Variants in MSL1 observed in about 807,000 individuals in gnomAD.
MSL1 encodes male-specific lethal 1 homolog.
In MSL1, 21 loss-of-function variants were observed where a neutral mutation model predicts 64.6. That is an observed-to-expected ratio of 0.33 (90% CI 0.23 to 0.47). The LOEUF (loss-of-function observed/expected upper bound fraction) is 0.47, where lower values mean the gene tolerates loss of function less well. Among genes scored for constraint, MSL1 ranks in the 20% least tolerant of loss-of-function variants. MSL1 has a pLI of 1.00. For synonymous variants in MSL1, 339 were observed against 329.6 expected (o/e 1.03, Z -0.31); for missense variants, 664 against 793.2 (o/e 0.84, Z 1.96).
chr17:40,131,407 C>T lies in MSL1; in HGVS notation c.1376-130C>T, dbSNP rs1348253843. 6.8e-6 allele frequency: 5 copies of T among 734,714 alleles called. No individual in the cohort carries two copies. The African/African-American group carries it at 7.0e-5, about 10-fold the overall frequency. 45.5% of individuals were successfully genotyped at this position (734,714 alleles called of 1,614,324 possible). A position where few individuals can be genotyped will look rare whatever the true frequency, so the allele number is the denominator to read the frequency against. ...TCTTCCCCTCCCCCAGAGAGAAATT[C>T]TCAAAAGAACAACTCAAAAAACAAA... On this transcript the variant is annotated intron_variant, in intron 3 of 8. Transcript: ENST00000398532. This position sits in a 1 kb window ranked among gnomAD's most constrained non-coding sequence, Gnocchi z 4.5.
At chr17:40,125,741 A>G (rs933764412) in intron 1 of MSL1, among the ~76,000 whole-genome samples, 1 of 152,182 alleles carries the variant, frequency 6.6e-6, no homozygotes, top group Non-Finnish European at 1.5e-5. Flanking sequence ...GCAGTGAGCC[A>G]TTGCAATCCA....
chr17:40,122,790 G>C lies in MSL1; in HGVS notation c.178G>C (p.Ala60Pro). The stretch of plus-strand genomic sequence containing the variant: ...GCTCAAGGAGCCGGGGCCCCCGCTG[G>C]CCTCCTCCCAGGGCGGGAGCCCCGC... ...RKLKEPGPPL[A>P]SSQGGSPAPS... Residue 60 changes from alanine (A) to proline (P), a missense_variant, in exon 1 of 9, where the codon GCC becomes CCC. Transcript: ENST00000398532. The surrounding 1 kb of genome is among the most constrained non-coding windows in gnomAD (Gnocchi z 4.2). 2 of 1,375,482 alleles carry C rather than the reference G, an allele frequency of 1.5e-6. No homozygotes were observed. The highest frequency in any genetic ancestry group is 1.9e-6 in the Non-Finnish European group (2 of 1,073,614). The allele number at this position is 1,375,482 out of a possible 1,614,324, so 85.2% of individuals were successfully genotyped here.
chr17:40,126,072 T>A (rs1988306486), intron 1 of MSL1, 111 bp from the exon 2 acceptor site: 1 of 871,138 alleles, frequency 1.1e-6, no homozygotes. Context: ...GTTGAGTTGA[T>A]GTGGTCCATA....
In MSL1 at chr17:40,122,660, C is replaced by T; in HGVS notation, c.48C>T (p.Gly16=). 1 of 1,492,962 alleles carries T rather than the reference C, an allele frequency of 6.7e-7. No individual in the cohort carries two copies. Among genetic ancestry groups the T allele is most frequent in the Non-Finnish European group, 8.9e-7 (1 of 1,128,398 alleles). 92.5% of individuals were successfully genotyped at this position (1,492,962 alleles called of 1,614,324 possible). A position where few individuals can be genotyped will look rare whatever the true frequency, so the allele number is the denominator to read the frequency against. Residue 16 remains glycine, a synonymous_variant, in exon 1 of 9, where the codon GGC becomes GGT. Coordinates refer to ENST00000398532, the MANE Select transcript of MSL1 (RefSeq NM_001365919.1). The surrounding 1 kb of genome is among the most constrained non-coding windows in gnomAD (Gnocchi z 4.2). ...TCAAGGCGGCCGCGGCCCCTGCCGG[C>T]GGCAATCCTGAGCAGCGACTGGACT... ...AVFKAAAAPA[G]GNPEQRLDYE...
In MSL1 at chr17:40,132,022, CTTTT is replaced by C; in HGVS notation, c.1424-7_1424-4del. 1.3e-6 allele frequency: 2 copies of C among 1,572,274 alleles called. No individual in the cohort carries two copies. The highest frequency in any genetic ancestry group is 1.7e-6 in the Non-Finnish European group (2 of 1,156,150). The stretch of plus-strand genomic sequence containing the variant: ...CCCTCCTCCCTTTCTTTTTCTCTCT[CTTTT>C]TTTTCAGTTCCTTCTTGGAGGGACC... On this transcript the variant is annotated splice_polypyrimidine_tract_variant and splice_region_variant and intron_variant, in intron 4 of 8. Transcript: ENST00000398532.
At position 40,121,981 on chromosome 17, in the gene MSL1, C is replaced by T. The variant is rs529279737; in HGVS notation, c.-632C>T. On this transcript the variant is annotated 5_prime_UTR_variant, in exon 1 of 9. Transcript: ENST00000398532. The stretch of plus-strand genomic sequence containing the variant: ...CTCCCCTCCCCGCGCATGCGTCCTC[C>T]GGTTGGCGGCGGCTGCGGCGGTGGC... 0.016 allele frequency among the ~76,000 whole-genome samples: 2,381 copies of T among 152,194 alleles called. 31 individuals carry two copies. Among genetic ancestry groups the T allele is most frequent in the Non-Finnish European group, 0.024 (1,629 of 67,962 alleles).
Position 40,122,663 on chromosome 17 carries a change from C to G in MSL1, c.51C>G (p.Gly17=), listed in dbSNP as rs1440321836. ...AGGCGGCCGCGGCCCCTGCCGGCGGCAATCCTGAGCAGCGACTGGACTACG... is the reference window on the plus strand; with the variant it reads ...AGGCGGCCGCGGCCCCTGCCGGCGGGAATCCTGAGCAGCGACTGGACTACG... ...VFKAAAAPAG[G]NPEQRLDYER... The change falls in exon 1 of 9, where the codon GGC becomes GGG. Residue 17 remains glycine, a synonymous_variant. Transcript: ENST00000398532. This position sits in a 1 kb window ranked among gnomAD's most constrained non-coding sequence, Gnocchi z 4.2. 2.0e-6 allele frequency: 3 copies of G among 1,492,720 alleles called. No individual in the cohort carries two copies. Among genetic ancestry groups the G allele is most frequent in the Non-Finnish European group, 2.7e-6 (3 of 1,128,312 alleles). The allele number at this position is 1,492,720 out of a possible 1,614,324, so 92.5% of individuals were successfully genotyped here.
chr17:40,123,626 T>A (rs1988246003), intron 1 of MSL1, among the ~76,000 whole-genome samples: 1 of 151,902 alleles, frequency 6.6e-6, no homozygotes, highest in Non-Finnish European at 1.5e-5. Flanking sequence ...AGGGTTAATT[T>A]AAAATGACAG....
At chr17:40,132,953 T>G in intron 5 of MSL1, 89 bp from the exon 6 acceptor site, 1 of 1,281,824 alleles carries the variant, frequency 7.8e-7, no homozygotes, top group Non-Finnish European at 1.1e-6. Context: ...TGAAAGATTT[T>G]ACGTTCCTGG....
In MSL1 at chr17:40,121,972, T is replaced by A. The variant is rs992976887; in HGVS notation, c.-641T>A. Among the ~76,000 whole-genome samples the A allele has an allele frequency of 6.6e-6, 1 of 151,930 alleles. No individual in the cohort carries two copies. The highest frequency in any genetic ancestry group is 2.4e-5 in the African/African-American group (1 of 41,364). On this transcript the variant is annotated 5_prime_UTR_variant, in exon 1 of 9. An upstream start codon of the reference 5' UTR is lost. Coordinates refer to ENST00000398532, the MANE Select transcript of MSL1 (RefSeq NM_001365919.1). ...TCCCGCCCGCTCCCCTCCCCGCGCATGCGTCCTCCGGTTGGCGGCGGCTGC... is the reference window on the plus strand; with the variant it reads ...TCCCGCCCGCTCCCCTCCCCGCGCAAGCGTCCTCCGGTTGGCGGCGGCTGC...
chr17:40,133,135 A>G (rs1255617167), intron 6 of MSL1, 26 bp downstream of exon 6: 1 of 1,586,560 alleles, frequency 6.3e-7, no homozygotes, highest in Admixed American at 1.8e-5. Flanking sequence ...TCCATCCTGG[A>G]AACAACTGAG....
In MSL1 at chr17:40,123,471, G is replaced by A. The variant is rs1004136183; in HGVS notation, c.768+91G>A. ...GCTGTAGGAGGTTAAGGCACCCCCG[G>A]GTTAGGGGTAAAGGAGGTTGGCCAC... On this transcript the variant is annotated intron_variant, in intron 1 of 8. Coordinates refer to ENST00000398532, the MANE Select transcript of MSL1 (RefSeq NM_001365919.1). 5 of 1,321,464 alleles carry A rather than the reference G, an allele frequency of 3.8e-6. No individual in the cohort carries two copies. In the African/African-American group the frequency reaches 4.4e-5, roughly 12 times the overall value. The allele number at this position is 1,321,464 out of a possible 1,614,324, so 81.9% of individuals were successfully genotyped here.
intron 2 of MSL1, among the ~76,000 whole-genome samples, chr17:40,127,158 G>A (rs528718336): frequency 6.6e-6 from 1 of 151,966 alleles, no homozygotes; most frequent in South Asian, 2.1e-4. Flanking sequence ...CTTGCGCCCA[G>A]GAGTTTGAGA....
In MSL1 at chr17:40,123,242, TGGC is replaced by T. The variant is rs1315442003; in HGVS notation, c.634_636del (p.Gly212del). On this transcript the variant is annotated inframe_deletion, in exon 1 of 9. Transcript: ENST00000398532. Reference sequence around the variant, plus strand: ...TGAGGAAGAGCCCTCTCGGGGGTGGTGGCGGCTCGGGAGCCTCCAGTCAGGCCG... The same window carrying T: ...TGAGGAAGAGCCCTCTCGGGGGTGGTGGCTCGGGAGCCTCCAGTCAGGCCG... 6.5e-7 allele frequency: 1 copy of T among 1,535,522 alleles called. No individual in the cohort carries two copies. Among genetic ancestry groups the T allele is most frequent in the Admixed American group, 2.0e-5 (1 of 50,984 alleles).
rs974808962 is a variant in MSL1 at position 40,122,394 on chromosome 17, A to G, written c.-219A>G. Reference sequence around the variant, plus strand: ...CAGCAGAGGCGGCGGCGAGGCCCCCATGGGCCGGCGGCGGGCCTCAGCCGC... The same window carrying G: ...CAGCAGAGGCGGCGGCGAGGCCCCCGTGGGCCGGCGGCGGGCCTCAGCCGC... On this transcript the variant is annotated 5_prime_UTR_variant, in exon 1 of 9. It removes an upstream start codon present in the reference 5' UTR. Transcript: ENST00000398532. This position sits in a 1 kb window ranked among gnomAD's most constrained non-coding sequence, Gnocchi z 4.2. The G allele has an allele frequency of 5.2e-5, 16 of 307,762 alleles. No homozygotes were observed. The highest frequency in any genetic ancestry group is 3.1e-4 in the African/African-American group (14 of 44,926). 19.1% of individuals were successfully genotyped at this position (307,762 alleles called of 1,614,324 possible).
chr17:40,132,009 T>C, intron 4 of MSL1, 25 bp from the exon 5 acceptor site: 1 of 1,555,530 alleles, frequency 6.4e-7, no homozygotes, highest in Non-Finnish European at 8.7e-7. Flanking sequence ...CTCCTCCCTT[T>C]CTTTTTCTCT....
chr17:40,127,112 G>T (rs1988335296), intron 2 of MSL1, among the ~76,000 whole-genome samples: 2 of 152,120 alleles, frequency 1.3e-5, no homozygotes, highest in Non-Finnish European at 2.9e-5. Context: ...TGGGGAAGGA[G>T]TATGGAACGT....
At position 40,136,481 on chromosome 17, in the gene MSL1, G is replaced by C. The variant is rs1332973025; in HGVS notation, c.*2112G>C. 7 of 152,366 alleles carry C rather than the reference G, an allele frequency of 4.6e-5. No homozygotes were observed. Among genetic ancestry groups the C allele is most frequent in the Non-Finnish European group, 1.0e-4 (7 of 68,044 alleles). 9.4% of individuals were successfully genotyped at this position (152,366 alleles called of 1,614,324 possible). The stretch of plus-strand genomic sequence containing the variant: ...AAGTGCAAAATTACAGTGTGTTAGA[G>C]TGTGGGGGGAAAATTAGTCTTATTT... On this transcript the variant is annotated 3_prime_UTR_variant, in exon 9 of 9. Transcript: ENST00000398532.
Position 40,131,717 on chromosome 17 carries a change from CTA to C in MSL1, c.1423+136_1423+137del. 1.2e-6 allele frequency: 1 copy of C among 805,062 alleles called. No homozygotes were observed. The highest frequency in any genetic ancestry group is 2.1e-6 in the Non-Finnish European group (1 of 467,922). 49.9% of individuals were successfully genotyped at this position (805,062 alleles called of 1,614,324 possible). On this transcript the variant is annotated intron_variant, in intron 4 of 8. Coordinates refer to ENST00000398532, the MANE Select transcript of MSL1 (RefSeq NM_001365919.1). This position sits in a 1 kb window ranked among gnomAD's most constrained non-coding sequence, Gnocchi z 4.5. Reference sequence around the variant, plus strand: ...TCTTGGTGTATGATTGATTACACTACTATAGACTTCAAAATGACAACAAATTT... The same window carrying C: ...TCTTGGTGTATGATTGATTACACTACTAGACTTCAAAATGACAACAAATTT...
Sources: gnomAD v4.1 joint callset for allele counts (sites outside exome capture counted in the v4.1 genomes callset) on GRCh38, gnomAD v4.1.1 for gene constraint, Gnocchi (gnomAD v3.1) non-coding constraint, MANE v1.5 for transcripts, NCBI Gene and HGNC (gene_info 2026-07-23, HGNC 2026-07-21) for gene names.